BTBD9: variants seen among roughly 807,000 people sequenced by gnomAD.
BTBD9 encodes the protein BTB/POZ domain-containing protein 9.
In BTBD9, 49 loss-of-function variants were observed where a neutral mutation model predicts 64.3. That is an observed-to-expected ratio of 0.76 (90% CI 0.61 to 0.97). The LOEUF is 0.97. Among genes scored for constraint, BTBD9 ranks in the 50% least tolerant of loss-of-function variants. The pLI, the probability that BTBD9 is intolerant of heterozygous loss-of-function variation, is 0.00. For synonymous variants in BTBD9, 260 were observed against 274.7 expected (o/e 0.95, Z 0.53); for missense variants, 598 against 762.1 (o/e 0.78, Z 2.53).
At chr6:38,442,161 T>C (rs994531659) in intron 6 of BTBD9, among the ~76,000 whole-genome samples, 7 of 152,128 alleles carry the variant, frequency 4.6e-5, no homozygotes, top group African/African-American at 1.7e-4. Flanking sequence ...TGCTGTTTTG[T>C]AGGGGCAACA....
chr6:38,261,847 G>A (rs962340448), intron 8 of BTBD9, among the ~76,000 whole-genome samples: 1 of 152,258 alleles, frequency 6.6e-6, no homozygotes, highest in East Asian at 1.9e-4. Flanking sequence ...GGACACTGAC[G>A]GATCTCAGGT....
chr6:38,565,865 A>G (rs920469768), intron 6 of BTBD9: 3 of 152,236 alleles, frequency 2.0e-5, no homozygotes, highest in African/African-American at 4.8e-5. Flanking sequence ...AACATCCTAA[A>G]GGTCCCTTAA....
chr6:38,244,132 T>G (rs1243295779), intron 9 of BTBD9, among the ~76,000 whole-genome samples: 1 of 152,222 alleles, frequency 6.6e-6, no homozygotes, highest in Non-Finnish European at 1.5e-5. Flanking sequence ...CTTTCCTTTT[T>G]TTGCAGATGC....
chr6:38,444,258 G>C (rs1318610785), intron 6 of BTBD9, among the ~76,000 whole-genome samples: 1 of 152,218 alleles, frequency 6.6e-6, no homozygotes, highest in African/African-American at 2.4e-5. Context: ...ACAGGGATCA[G>C]TCATGTTTGT....
intron 6 of BTBD9, among the ~76,000 whole-genome samples, chr6:38,518,398 G>A (rs1773135862): frequency 6.6e-6 from 1 of 152,210 alleles, no homozygotes; most frequent in Non-Finnish European, 1.5e-5. Context: ...ATATGCGAGT[G>A]ATAATTTCAA....
intron 6 of BTBD9, among the ~76,000 whole-genome samples, chr6:38,486,250 A>C (rs962134701): frequency 6.6e-6 from 1 of 152,234 alleles, no homozygotes; most frequent in Non-Finnish European, 1.5e-5. Context: ...AACTTTCTCC[A>C]TATCAGCAAT....
chr6:38,614,286 C>T (rs1156886979), intron 1 of BTBD9, among the ~76,000 whole-genome samples: 1 of 152,152 alleles, frequency 6.6e-6, no homozygotes, highest in East Asian at 1.9e-4. Flanking sequence ...TCATACCTTG[C>T]TATGATTTTG....
intron 7 of BTBD9, among the ~76,000 whole-genome samples, chr6:38,344,265 A>G (rs1764202485): frequency 6.6e-6 from 1 of 152,174 alleles, no homozygotes; most frequent in African/African-American, 2.4e-5. Flanking sequence ...GAATGTCAAG[A>G]CCTGGGATGG....
intron 6 of BTBD9, among the ~76,000 whole-genome samples, chr6:38,550,818 A>AT (rs1336936480): frequency 1.3e-5 from 2 of 152,136 alleles, no homozygotes; most frequent in Non-Finnish European, 2.9e-5. Context: ...GAACAATCAA[A>AT]TCACAGGATT....
At chr6:38,453,724 A>G (rs1769662028) in intron 6 of BTBD9, among the ~76,000 whole-genome samples, 1 of 152,222 alleles carries the variant, frequency 6.6e-6, no homozygotes, top group Admixed American at 6.5e-5. Context: ...TCTCAACTGG[A>G]ACATCAAATG....
In BTBD9 at chr6:38,271,575, C is replaced by CA. The variant is rs1765195784; in HGVS notation, c.1455-15060dup. On this transcript the variant is annotated intron_variant, in intron 8 of 10. Coordinates refer to ENST00000481247, the MANE Select transcript of BTBD9 (RefSeq NM_001099272.2). ...AAATAAAGTTTTATTGGAACACAGC[C>CA]ATGCCCCTCAGCAGGGTCGAATAGT... Among the ~76,000 whole-genome samples the CA allele has an allele frequency of 2.0e-5, 3 of 152,228 alleles. No individual in the cohort carries two copies. In the South Asian group the frequency reaches 6.2e-4, roughly 32 times the overall value.
chr6:38,309,604 G>C (rs548317977), intron 7 of BTBD9, among the ~76,000 whole-genome samples: 8 of 151,548 alleles, frequency 5.3e-5, no homozygotes, highest in Non-Finnish European at 1.0e-4. Flanking sequence ...GTAGAGACGG[G>C]GTTTCACCAT....
intron 4 of BTBD9, chr6:38,587,799 G>A: frequency 1.4e-6 from 1 of 713,336 alleles, no homozygotes; most frequent in Non-Finnish European, 2.7e-6. Context: ...CTGGAAAACA[G>A]TCTACTCAGG....
intron 6 of BTBD9, among the ~76,000 whole-genome samples, chr6:38,483,716 GTTTCT>G (rs1771268212): frequency 6.6e-6 from 1 of 152,082 alleles, no homozygotes; most frequent in African/African-American, 2.4e-5. Context: ...CCCCAAGCTA[GTTTCT>G]ACTTCACAGC....
At chr6:38,618,528 C>G (rs972491524) in intron 1 of BTBD9, among the ~76,000 whole-genome samples, 1 of 152,154 alleles carries the variant, frequency 6.6e-6, no homozygotes, top group African/African-American at 2.4e-5. Flanking sequence ...TAATCTCCCC[C>G]ACCCAGAAAG....
rs1774187971 is a variant in BTBD9 at position 38,539,819 on chromosome 6, A to G, written c.1154+37781T>C. On this transcript the variant is annotated intron_variant, in intron 6 of 10. Transcript: ENST00000481247. ...TGACTACAGGTGTTAAAAATAACAT[A>G]TTTTAAAACATGATTCCATGTTAGG... is the stretch of plus-strand genomic sequence containing the variant. 3.3e-5 allele frequency among the ~76,000 whole-genome samples: 5 copies of G among 152,294 alleles called. No homozygotes were observed. The South Asian group carries it at 1.0e-3, about 32-fold the overall frequency.
At chr6:38,615,340 G>T (rs1046385960) in intron 1 of BTBD9, among the ~76,000 whole-genome samples, 1 of 152,028 alleles carries the variant, frequency 6.6e-6, no homozygotes, top group South Asian at 2.1e-4. Flanking sequence ...ATATAAATCA[G>T]ATCAGTCACT....
intron 1 of BTBD9, among the ~76,000 whole-genome samples, chr6:38,635,544 G>A (rs990737320): frequency 3.3e-5 from 5 of 152,206 alleles, no homozygotes; most frequent in Non-Finnish European, 7.3e-5. Context: ...GCAGTGAGTG[G>A]TGGGATCTTT....
intron 9 of BTBD9, among the ~76,000 whole-genome samples, chr6:38,245,646 G>A (rs1308112036): frequency 1.3e-5 from 2 of 152,180 alleles, no homozygotes; most frequent in African/African-American, 4.8e-5. Flanking sequence ...TACTAGAGTT[G>A]TGCTTGAAAA....
Sources: allele counts gnomAD v4.1 joint callset (sites outside exome capture counted in the v4.1 genomes callset), GRCh38; gene constraint gnomAD v4.1.1; transcripts MANE v1.5; gene names NCBI Gene and HGNC (gene_info 2026-07-23, HGNC 2026-07-21).